Variants in ACOT12 observed in about 807,000 individuals in gnomAD.
ACOT12 encodes acetyl-coenzyme A thioesterase.
ACOT12 carries 51 observed loss-of-function variants against 67.7 expected under a neutral mutation model. That is an observed-to-expected ratio of 0.75 (90% CI 0.60 to 0.95). ACOT12 has a LOEUF of 0.95. ACOT12 is among the 40% of genes least tolerant of loss of function. ACOT12 has a pLI of 0.00. For synonymous variants in ACOT12, 251 were observed against 244.6 expected (o/e 1.03, Z -0.24); for missense variants, 734 against 708.1 (o/e 1.04, Z -0.41).
chr5:81,380,959 G>T (rs1376531549), intron 2 of ACOT12, among the ~76,000 whole-genome samples: 1 of 152,094 alleles, frequency 6.6e-6, no homozygotes, highest in Non-Finnish European at 1.5e-5. Flanking sequence ...ACCTGTAGAG[G>T]ATGTTATTGT....
intron 2 of ACOT12, among the ~76,000 whole-genome samples, chr5:81,385,485 T>A (rs191583973): frequency 1.3e-5 from 2 of 152,124 alleles, no homozygotes; most frequent in South Asian, 4.2e-4. Context: ...TTATAGAAAG[T>A]CTGTTTGGCT....
intron 4 of ACOT12, among the ~76,000 whole-genome samples, chr5:81,361,332 T>C (rs1759903102): frequency 6.6e-6 from 1 of 151,750 alleles, no homozygotes; most frequent in Non-Finnish European, 1.5e-5. Flanking sequence ...CTCAGTAGGA[T>C]TGCAGGCAAA....
intron 3 of ACOT12, among the ~76,000 whole-genome samples, chr5:81,366,345 A>G (rs540137857): frequency 6.6e-6 from 1 of 152,362 alleles, no homozygotes; most frequent in South Asian, 2.1e-4. Flanking sequence ...GAAAATTATT[A>G]GGTGAAAGGT....
At position 81,345,870 on chromosome 5, in the gene ACOT12, A is replaced by C. The variant is rs564993975; in HGVS notation, c.773+15T>G. 1.2e-6 allele frequency: 2 copies of C among 1,613,494 alleles called. No homozygotes were observed. Among genetic ancestry groups the C allele is most frequent in the African/African-American group, 2.7e-5 (2 of 75,054 alleles). ...AGTTTAAATTTCTTCATAGCAGCCT[A>C]AGGGCTCACTTTACCAGGTCTGAAA... On this transcript the variant is annotated intron_variant, in intron 7 of 14. Transcript: ENST00000307624.
chr5:81,341,712 T>C (rs73768073), intron 11 of ACOT12, among the ~76,000 whole-genome samples: 3,786 of 152,272 alleles, frequency 0.025, 167 homozygotes, highest in African/African-American at 0.085. Flanking sequence ...GGGCATGAGC[T>C]TCCGAGGGTC....
chr5:81,349,342 C>A (rs1003701790), intron 5 of ACOT12, among the ~76,000 whole-genome samples: 2 of 152,172 alleles, frequency 1.3e-5, no homozygotes, highest in Non-Finnish European at 2.9e-5. Context: ...AAATCCTTCC[C>A]ATGGCCTGCA....
chr5:81,320,659 T>TA, the ACOT12 span, among the ~76,000 whole-genome samples: 1,848 of 152,200 alleles, frequency 0.012, 43 homozygotes, highest in African/African-American at 0.042. Context: ...GACTGCATGA[T>TA]AAAATCACAA....
intron 5 of ACOT12, among the ~76,000 whole-genome samples, chr5:81,355,487 C>T (rs1759683938): frequency 6.6e-6 from 1 of 152,086 alleles, no homozygotes; most frequent in African/African-American, 2.4e-5. Flanking sequence ...CATGTTCTCA[C>T]CTATTTGTGG....
chr5:81,359,399 C>T (rs1054138854), intron 5 of ACOT12, among the ~76,000 whole-genome samples: 5 of 152,150 alleles, frequency 3.3e-5, no homozygotes, highest in African/African-American at 7.2e-5. Context: ...GCTCATAAAA[C>T]GCAGGGTGAT....
chr5:81,320,715 CAAT>C, the ACOT12 span, among the ~76,000 whole-genome samples: 1 of 152,108 alleles, frequency 6.6e-6, no homozygotes, highest in South Asian at 2.1e-4. Context: ...CCAGCAGCAG[CAAT>C]GAGTAGTAAA....
chr5:81,338,774 T>G (rs1759092311), intron 11 of ACOT12, among the ~76,000 whole-genome samples: 1 of 152,186 alleles, frequency 6.6e-6, no homozygotes, highest in African/African-American at 2.4e-5. Context: ...CTAATAAGAT[T>G]CTTTTTGAAT....
In ACOT12 at chr5:81,380,563, G is replaced by GAAA. The variant is rs1400854438; in HGVS notation, c.197+5191_197+5193dup. Among the ~76,000 whole-genome samples, 51 of 24,752 alleles carry GAAA rather than the reference G, an allele frequency of 2.1e-3. 3 individuals are homozygous for GAAA. Among genetic ancestry groups the GAAA allele is most frequent in the East Asian group, 3.4e-3 (3 of 870 alleles). 16.2% of individuals were successfully genotyped at this position (24,752 alleles called of 152,430 possible). ...TGGGTGACAGAGTGAGACTGTCTTA[G>GAAA]AAAAAAAAAAAAAAAAAGAAAAGAA... On this transcript the variant is annotated intron_variant, in intron 2 of 14. Coordinates refer to ENST00000307624, the MANE Select transcript of ACOT12 (RefSeq NM_130767.3).
intron 3 of ACOT12, among the ~76,000 whole-genome samples, chr5:81,364,153 T>C (rs1014789984): frequency 2.0e-5 from 3 of 151,826 alleles, no homozygotes; most frequent in Non-Finnish European, 4.4e-5. Context: ...AGTAATCCCA[T>C]CACCCAGAGA....
chr5:81,320,706 C>T, the ACOT12 span, among the ~76,000 whole-genome samples: 109 of 152,150 alleles, frequency 7.2e-4, no homozygotes, highest in African/African-American at 2.6e-3. Context: ...GAATAAGAGC[C>T]AGCAGCAGCA....
At chr5:81,347,735 T>A (rs1759422962) in intron 6 of ACOT12, 39 bp downstream of exon 6, 1 of 1,603,532 alleles carries the variant, frequency 6.2e-7, no homozygotes. Flanking sequence ...TTCTCCTCAC[T>A]GGTCCCAAAA....
chr5:81,330,636 A>G, intron 14 of ACOT12, 93 bp from the exon 15 acceptor site: 1 of 1,506,352 alleles, frequency 6.6e-7, no homozygotes, highest in Non-Finnish European at 9.0e-7. Context: ...AGGGGAGGCT[A>G]AGACCCTAAT....
At chr5:81,365,963 A>C (rs186852711) in intron 3 of ACOT12, among the ~76,000 whole-genome samples, 16 of 152,368 alleles carry the variant, frequency 1.1e-4, no homozygotes, top group African/African-American at 3.8e-4. Context: ...GTGAAACCCC[A>C]GACAAGAACA....
intron 5 of ACOT12, among the ~76,000 whole-genome samples, chr5:81,349,451 C>A (rs1759486792): frequency 6.6e-6 from 1 of 152,118 alleles, no homozygotes; most frequent in African/African-American, 2.4e-5. Context: ...CCTTCAACAA[C>A]AGGGCATTTG....
chr5:81,312,807 T>A, the ACOT12 span: 1 of 575,680 alleles, frequency 1.7e-6, no homozygotes, highest in African/African-American at 1.9e-5. Context: ...ACAATTTTCT[T>A]TATTCTGTCT....
Sources: allele counts gnomAD v4.1 joint callset (sites outside exome capture counted in the v4.1 genomes callset), GRCh38; gene constraint gnomAD v4.1.1; transcripts MANE v1.5; gene names NCBI Gene and HGNC (gene_info 2026-07-23, HGNC 2026-07-21).